The following ADH6 variants were observed in gnomAD, a reference collection of about 807,000 sequenced individuals.
ADH6 encodes the protein alcohol dehydrogenase 6.
Under a neutral mutation model 36.5 loss-of-function variants are expected in ADH6, and 34 were observed. The ratio of observed to expected loss-of-function variants is 0.93; its 90% CI spans 0.71 to 1.24. The LOEUF is 1.24. Among genes scored for constraint, ADH6 ranks in the 50% most tolerant of loss-of-function variants. The probability of loss-of-function intolerance (pLI) is 0.00; values close to 1 mark genes in which losing one functional copy is unlikely to be tolerated. For synonymous variants in ADH6, 161 were observed against 155.5 expected, an observed-to-expected ratio of 1.04 and a Z score of -0.26; for missense variants, 440 against 447.0, an observed-to-expected ratio of 0.98 and a Z score of 0.14.
Position 99,216,156 on chromosome 4 carries a change from T to TTG in ADH6, c.120+4_120+5insCA. 1 of 1,441,494 alleles carries TTG rather than the reference T, an allele frequency of 6.9e-7. No individual in the cohort carries two copies. The highest frequency in any genetic ancestry group is 9.3e-7 in the Non-Finnish European group (1 of 1,078,718). 89.3% of individuals were successfully genotyped at this position (1,441,494 alleles called of 1,614,324 possible). A position where few individuals can be genotyped will look rare whatever the true frequency, so the allele number is the denominator to read the frequency against. On this transcript the variant is annotated splice_donor_region_variant and intron_variant, in intron 2 of 8. Coordinates refer to ENST00000394899, the MANE Select transcript of ADH6 (RefSeq NM_001102470.2). The stretch of plus-strand genomic sequence containing the variant: ...TGTGATTTTTTTTTTTTTTTTTTTT[T>TTG]TTACCTTTATGCGAACTTCCTTTGC...
chr4:99,204,338 A>G (rs1437250936), intron 8 of ADH6, 95 bp from the exon 9 acceptor site: 2 of 1,524,202 alleles, frequency 1.3e-6, no homozygotes, highest in Non-Finnish European at 1.7e-6. Flanking sequence ...GCAGTAAACT[A>G]GATTTTTTTT....
intron 3 of ADH6, among the ~76,000 whole-genome samples, chr4:99,211,027 T>C (rs1170173183): frequency 6.6e-6 from 1 of 152,172 alleles, no homozygotes; most frequent in African/African-American, 2.4e-5. Flanking sequence ...AGGACATGAT[T>C]AGAAGAGCTT....
Position 99,208,710 on chromosome 4 carries a change from A to T in ADH6, c.786T>A (p.Gly262=). The change falls in exon 6 of 9, where the codon GGT becomes GGA. Residue 262 remains glycine (G), a synonymous_variant. Transcript: ENST00000394899. The part of the protein sequence containing the change: ...QEVLFDMTDA[G]IDFCFEAIGN... ...CAATGGCCTCAAAGCAGAAGTCTAT[A>T]CCAGCATCTGTCATATCAAATAAAA... The T allele has an allele frequency of 6.2e-7, 1 of 1,613,838 alleles. No individual in the cohort carries two copies. Among genetic ancestry groups the T allele is most frequent in the Non-Finnish European group, 8.5e-7 (1 of 1,179,770 alleles).
In ADH6 at chr4:99,219,050, A is replaced by C. The variant is rs1205689862; in HGVS notation, c.18+85T>G. 4 of 1,337,322 alleles carry C rather than the reference A, an allele frequency of 3.0e-6. No individual in the cohort carries two copies. In the Admixed American group the frequency reaches 6.8e-5, roughly 23 times the overall value. The allele number at this position is 1,337,322 out of a possible 1,614,324, so 82.8% of individuals were successfully genotyped here. ...TCTCACCTTTAGGAGCCCAGAGACT[A>C]GCTGGGTGATGAGATGTTGGTAAAG... On this transcript the variant is annotated intron_variant, in intron 1 of 8. Coordinates refer to ENST00000394899, the MANE Select transcript of ADH6 (RefSeq NM_001102470.2).
intron 3 of ADH6, among the ~76,000 whole-genome samples, chr4:99,211,601 A>C (rs1187946506): frequency 6.6e-6 from 1 of 152,314 alleles, no homozygotes; most frequent in African/African-American, 2.4e-5. Flanking sequence ...GTTATGCTAC[A>C]TGGCAAGGGG....
At chr4:99,209,980 G>T in intron 5 of ADH6, 102 bp downstream of exon 5, 2 of 1,206,820 alleles carry the variant, frequency 1.7e-6, no homozygotes, top group Non-Finnish European at 2.4e-6. Context: ...AGTCAGGCTT[G>T]GGATTTTTCC....
Position 99,213,707 on chromosome 4 carries a change from A to C in ADH6, c.161T>G (p.Leu54Trp). Reference sequence around the variant, plus strand: ...CAAGAGGTCCAAGTGTTTACTCCCCAACACTTTCATCTCTGTACCACACAG... The same window carrying C: ...CAAGAGGTCCAAGTGTTTACTCCCCCACACTTTCATCTCTGTACCACACAG... ...TGLCGTEMKVLGSKHLDLLYP... is the reference protein window; with the variant it reads ...TGLCGTEMKVWGSKHLDLLYP... Residue 54 changes from leucine (L) to tryptophan (W), a missense_variant, in exon 3 of 9, where the codon TTG (leucine) becomes TGG (tryptophan). Transcript: ENST00000394899. 6.2e-7 allele frequency: 1 copy of C among 1,613,836 alleles called. No individual in the cohort carries two copies. The highest frequency in any genetic ancestry group is 1.1e-5 in the South Asian group (1 of 91,042).
At position 99,207,546 on chromosome 4, in the gene ADH6, C is replaced by T. The variant is rs1412884640; in HGVS notation, c.864G>A (p.Gly288=). 1.9e-6 allele frequency: 3 copies of T among 1,613,282 alleles called. No homozygotes were observed. Among genetic ancestry groups the T allele is most frequent in the Non-Finnish European group, 1.7e-6 (2 of 1,179,654 alleles). ...AALASCNESY[G]VCVVVGVLPA... is the part of the protein sequence containing the mutation. The stretch of plus-strand genomic sequence containing the variant: ...GCAACACCCCAACAACCACACAGAC[C>T]CCATAGCTCTCATTGCAGGAGGCGA... Residue 288 remains glycine, a synonymous_variant, in exon 7 of 9, where the codon GGG becomes GGA. Transcript: ENST00000394899.
chr4:99,206,424 G>C (rs926690239), intron 7 of ADH6, among the ~76,000 whole-genome samples: 1 of 151,998 alleles, frequency 6.6e-6, no homozygotes, highest in Non-Finnish European at 1.5e-5. Flanking sequence ...ATAAGACTTA[G>C]CTGAGTATGT....
chr4:99,208,550 G>C lies in ADH6; in HGVS notation c.828+118C>G, dbSNP rs1334071040. On this transcript the variant is annotated intron_variant, in intron 6 of 8. Transcript: ENST00000394899. ...AGACGGCACCAGCTGAGATGTCATG[G>C]AACACAAGGAAAATTAAATAGAGCA... The C allele has an allele frequency of 2.5e-6, 3 of 1,206,486 alleles. No homozygotes were observed. In the African/African-American group the frequency reaches 4.6e-5, roughly 18 times the overall value. 74.7% of individuals were successfully genotyped at this position (1,206,486 alleles called of 1,614,324 possible).
At chr4:99,216,862 C>T (rs1320923056) in intron 1 of ADH6, among the ~76,000 whole-genome samples, 3 of 151,720 alleles carry the variant, frequency 2.0e-5, no homozygotes, top group Non-Finnish European at 4.4e-5. Context: ...AAAATTGTGC[C>T]TATTTATGGG....
chr4:99,217,261 C>T (rs907330346), intron 1 of ADH6, among the ~76,000 whole-genome samples: 3 of 152,116 alleles, frequency 2.0e-5, no homozygotes, highest in Non-Finnish European at 2.9e-5. Flanking sequence ...TGTTCTTGAT[C>T]TCCTGACCTC....
At chr4:99,207,699 C>A in intron 6 of ADH6, 118 bp from the exon 7 acceptor site, 1 of 1,078,842 alleles carries the variant, frequency 9.3e-7, no homozygotes. Context: ...CTGATTCTCC[C>A]TATTCTCATT....
At chr4:99,218,996 G>A in intron 1 of ADH6, 139 bp downstream of exon 1, 3 of 769,710 alleles carry the variant, frequency 3.9e-6, no homozygotes, top group Admixed American at 2.5e-5. Context: ...AAGGAGAGGA[G>A]GAGGAGAGAT....
intron 3 of ADH6, among the ~76,000 whole-genome samples, chr4:99,213,102 C>G (rs1157482004): frequency 2.0e-5 from 3 of 151,914 alleles, no homozygotes; most frequent in Non-Finnish European, 4.4e-5. Flanking sequence ...GAGATGGCAA[C>G]CCAATTTACT....
rs115160953 is a variant in ADH6 at position 99,208,345 on chromosome 4, T to A, written c.828+323A>T. The A allele has an allele frequency of 9.2e-3, 1,855 of 201,596 alleles. 29 individuals carry two copies. The highest frequency in any genetic ancestry group is 0.039 in the African/African-American group (1,699 of 43,484). The allele number at this position is 201,596 out of a possible 1,614,324, so 12.5% of individuals were successfully genotyped here. On this transcript the variant is annotated intron_variant, in intron 6 of 8. Coordinates refer to ENST00000394899, the MANE Select transcript of ADH6 (RefSeq NM_001102470.2). Reference sequence around the variant, plus strand: ...CCCGTTTAATCGTGACTAGTAAATATTTTTCTTGGAAACTTATCTCAGATC... The same window carrying A: ...CCCGTTTAATCGTGACTAGTAAATAATTTTCTTGGAAACTTATCTCAGATC...
chr4:99,217,058 T>C (rs1458652686), intron 1 of ADH6, among the ~76,000 whole-genome samples: 1 of 152,146 alleles, frequency 6.6e-6, no homozygotes. Context: ...GTTTTTGAGA[T>C]GGAGTCTCAC....
At chr4:99,205,182 T>C in intron 7 of ADH6, 119 bp from the exon 8 acceptor site, 1 of 1,104,792 alleles carries the variant, frequency 9.1e-7, no homozygotes, top group African/African-American at 1.6e-5. Context: ...CTGTCCCGTT[T>C]ACTTGCCTCA....
At position 99,210,094 on chromosome 4, in the gene ADH6, GA is replaced by G. The variant is rs1206011242; in HGVS notation, c.554del (p.Ile185ThrfsTer6). ...CGFSTGFGAA[I>X]NTAKVTPGST... ...AAATGCCCCTCACCTTGGCAGTATTGATTGCAGCACCAAACCCAGTGGAAAA... is the reference window on the plus strand; with the variant it reads ...AAATGCCCCTCACCTTGGCAGTATTGTTGCAGCACCAAACCCAGTGGAAAA... On this transcript the variant is annotated frameshift_variant, in exon 5 of 9. Coordinates refer to ENST00000394899, the MANE Select transcript of ADH6 (RefSeq NM_001102470.2). LOFTEE classifies it high-confidence loss of function. The G allele has an allele frequency of 6.2e-7, 1 of 1,613,468 alleles. No homozygotes were observed. The highest frequency in any genetic ancestry group is 8.5e-7 in the Non-Finnish European group (1 of 1,179,670).
Sources: allele counts gnomAD v4.1 joint callset (sites outside exome capture counted in the v4.1 genomes callset), GRCh38; gene constraint gnomAD v4.1.1; transcripts MANE v1.5; gene names NCBI Gene and HGNC (gene_info 2026-07-23, HGNC 2026-07-21).